The following TRIM71 variants were observed in gnomAD, a reference collection of about 807,000 sequenced individuals.
TRIM71 encodes the protein E3 ubiquitin-protein ligase TRIM71.
Under a neutral mutation model 61.2 loss-of-function variants are expected in TRIM71, and 9 were observed. The ratio of observed to expected loss-of-function variants is 0.15; its 90% CI spans 0.09 to 0.26. The LOEUF is 0.26. Among genes scored for constraint, TRIM71 ranks in the 10% least tolerant of loss-of-function variants. The pLI is 1.00. For synonymous variants in TRIM71, 645 were observed against 553.2 expected (o/e 1.17, Z -2.33); for missense variants, 998 against 1,238.7 (o/e 0.81, Z 2.92).
intron 1 of TRIM71, among the ~76,000 whole-genome samples, chr3:32,842,911 G>T (rs542527544): frequency 1.3e-5 from 2 of 152,136 alleles, no homozygotes; most frequent in East Asian, 3.9e-4. Flanking sequence ...TGGCCTTAAT[G>T]GTCATAAATG....
intron 1 of TRIM71, among the ~76,000 whole-genome samples, chr3:32,823,328 G>A (rs1002201204): frequency 6.6e-6 from 1 of 152,224 alleles, no homozygotes; most frequent in Admixed American, 6.5e-5. Flanking sequence ...AGTTTGGCAA[G>A]CCTGTGCTGA....
intron 1 of TRIM71, among the ~76,000 whole-genome samples, chr3:32,853,587 C>A (rs1203926864): frequency 6.6e-6 from 1 of 152,140 alleles, no homozygotes; most frequent in Non-Finnish European, 1.5e-5. Flanking sequence ...TAAAGATTGT[C>A]TTGTAGCTTG....
chr3:32,873,541 T>C (rs1696820869), intron 1 of TRIM71, among the ~76,000 whole-genome samples: 1 of 152,230 alleles, frequency 6.6e-6, no homozygotes, highest in Admixed American at 6.5e-5. Context: ...GTGTCTCTGT[T>C]ACAGTTCTGA....
chr3:32,883,305 T>C (rs1696928638), intron 2 of TRIM71, among the ~76,000 whole-genome samples: 1 of 152,246 alleles, frequency 6.6e-6, no homozygotes, highest in Admixed American at 6.5e-5. Context: ...TCTGTATTAG[T>C]TTATCGGGTC....
At chr3:32,823,955 G>A (rs1696170142) in intron 1 of TRIM71, among the ~76,000 whole-genome samples, 1 of 151,722 alleles carries the variant, frequency 6.6e-6, no homozygotes, top group Non-Finnish European at 1.5e-5. Context: ...CGTGCCTGTA[G>A]TCCCAGCTAC....
chr3:32,823,531 G>C (rs1696163476), intron 1 of TRIM71, among the ~76,000 whole-genome samples: 1 of 152,190 alleles, frequency 6.6e-6, no homozygotes. Flanking sequence ...TCCAATTCTA[G>C]GAATATACAT....
chr3:32,874,999 T>G (rs1378635302), intron 2 of TRIM71, among the ~76,000 whole-genome samples: 1 of 151,982 alleles, frequency 6.6e-6, no homozygotes, highest in East Asian at 1.9e-4. Flanking sequence ...TTTTCTATTT[T>G]TAGTAGAGAC....
At chr3:32,827,593 C>G (rs1269152368) in intron 1 of TRIM71, among the ~76,000 whole-genome samples, 2 of 152,118 alleles carry the variant, frequency 1.3e-5, no homozygotes, top group African/African-American at 4.8e-5. Flanking sequence ...GATCATTTAT[C>G]TATAAGAGCT....
chr3:32,871,264 A>G (rs1356666235), intron 1 of TRIM71, among the ~76,000 whole-genome samples: 1 of 152,172 alleles, frequency 6.6e-6, no homozygotes, highest in Non-Finnish European at 1.5e-5. Context: ...CTCACTAGCC[A>G]TGGAGATGAG....
intron 1 of TRIM71, among the ~76,000 whole-genome samples, chr3:32,859,053 T>C (rs1407405336): frequency 6.6e-6 from 1 of 152,142 alleles, no homozygotes; most frequent in Non-Finnish European, 1.5e-5. Context: ...TTCTCCTGGC[T>C]TCGTGACCTG....
chr3:32,854,249 T>C (rs1258384740), intron 1 of TRIM71, among the ~76,000 whole-genome samples: 1 of 152,160 alleles, frequency 6.6e-6, no homozygotes, highest in Non-Finnish European at 1.5e-5. Flanking sequence ...TCATCTCGGC[T>C]TCCCAAAGTG....
intron 1 of TRIM71, among the ~76,000 whole-genome samples, chr3:32,852,201 G>T (rs1370944185): frequency 1.3e-5 from 2 of 152,140 alleles, no homozygotes; most frequent in Admixed American, 1.3e-4. Context: ...TGAAATTGGG[G>T]ACAGGGACAG....
intron 1 of TRIM71, 37 bp from the exon 2 acceptor site, chr3:32,873,781 C>A: frequency 6.9e-7 from 1 of 1,450,056 alleles, no homozygotes; most frequent in South Asian, 1.6e-5. Context: ...TCCCGTCCTG[C>A]ATCTCCATTT....
rs1389701374 is a variant in TRIM71 at position 32,897,236 on chromosome 3, C to A, written c.*5425C>A. 6.6e-6 allele frequency: 1 copy of A among 151,566 alleles called. No homozygotes were observed. Among genetic ancestry groups the A allele is most frequent in the Non-Finnish European group, 1.5e-5 (1 of 67,954 alleles). 9.4% of individuals were successfully genotyped at this position (151,566 alleles called of 1,614,324 possible). ...AAACAATTGGGGGAATTAATGTGGG[C>A]AAGTTGCCTTATGTTAGAATGACTA... On this transcript the variant is annotated 3_prime_UTR_variant, in exon 4 of 4. Transcript: ENST00000383763.
At position 32,818,757 on chromosome 3, in the gene TRIM71, C is replaced by T. The variant is rs1282325140; in HGVS notation, c.677C>T (p.Ala226Val). 1.9e-6 allele frequency: 3 copies of T among 1,605,248 alleles called. No individual in the cohort carries two copies. Among genetic ancestry groups the T allele is most frequent in the African/African-American group, 1.3e-5 (1 of 74,824 alleles). Residue 226 changes from alanine to valine, a missense_variant, in exon 1 of 4, where the codon GCG becomes GTG. This residue lies in a region of TRIM71 where 527 missense variants were observed against 427.8 expected (regional missense o/e 1.23). Coordinates refer to ENST00000383763, the MANE Select transcript of TRIM71 (RefSeq NM_001039111.3). Reference protein sequence around the residue: ...QEHLCDNCVRAHQRVRLTKDH... With the variant: ...QEHLCDNCVRVHQRVRLTKDH... ...CACCTGTGCGACAACTGCGTCCGAG[C>T]GCACCAGCGCGTGCGCCTCACCAAG...
chr3:32,877,221 A>T (rs1193131653), intron 2 of TRIM71, among the ~76,000 whole-genome samples: 1 of 152,086 alleles, frequency 6.6e-6, no homozygotes, highest in Non-Finnish European at 1.5e-5. Context: ...CTCCTGCCTC[A>T]GCCTCCCGAG....
intron 2 of TRIM71, among the ~76,000 whole-genome samples, chr3:32,876,196 C>T (rs1475753056): frequency 1.3e-5 from 2 of 152,154 alleles, no homozygotes; most frequent in Admixed American, 6.6e-5. Flanking sequence ...TTTTATGCCA[C>T]GACAGTTGGG....
At chr3:32,872,379 G>A (rs900885694) in intron 1 of TRIM71, among the ~76,000 whole-genome samples, 1 of 152,060 alleles carries the variant, frequency 6.6e-6, no homozygotes, top group African/African-American at 2.4e-5. Flanking sequence ...TTTAGGGGGA[G>A]CATTTTTCTA....
intron 1 of TRIM71, among the ~76,000 whole-genome samples, chr3:32,850,265 A>ATT (rs144352341): frequency 2.6e-5 from 4 of 151,958 alleles, no homozygotes; most frequent in South Asian, 2.1e-4. Context: ...GGGAATACAG[A>ATT]TTTTTTTTTG....
Sources: gnomAD v4.1 joint callset for allele counts (sites outside exome capture counted in the v4.1 genomes callset) on GRCh38, gnomAD v4.1.1 for gene constraint, gnomAD v4.1.1 regional missense constraint, MANE v1.5 for transcripts, NCBI Gene and HGNC (gene_info 2026-07-23, HGNC 2026-07-21) for gene names.